Variants in ZNF503 observed in about 807,000 individuals in gnomAD.
ZNF503 encodes zinc finger protein 503.
In ZNF503, 15 loss-of-function variants were observed where a neutral mutation model predicts 34.4. The ratio of observed to expected loss-of-function variants is 0.44; its 90% CI spans 0.29 to 0.67. ZNF503 has a LOEUF of 0.67. ZNF503 is among the 30% of genes least tolerant of loss of function. The pLI is 0.13. For synonymous variants in ZNF503, 580 were observed against 456.8 expected, an observed-to-expected ratio of 1.27 and a Z score of -3.44; for missense variants, 1,007 against 926.8, an observed-to-expected ratio of 1.09 and a Z score of -1.12.
chr10:75,298,778 A>G, the ZNF503 span, among the ~76,000 whole-genome samples: 2 of 152,152 alleles, frequency 1.3e-5, no homozygotes, highest in Non-Finnish European at 2.9e-5. Context: ...ATATAAATTA[A>G]AAAATGTTTT....
the ZNF503 span, among the ~76,000 whole-genome samples, chr10:75,375,334 G>A: frequency 1.3e-5 from 2 of 151,876 alleles, no homozygotes; most frequent in Non-Finnish European, 2.9e-5. Flanking sequence ...TGTTAGCCAG[G>A]ATGGTCTTGA....
the ZNF503 span, among the ~76,000 whole-genome samples, chr10:75,384,188 C>T: frequency 6.6e-6 from 1 of 151,998 alleles, no homozygotes; most frequent in African/African-American, 2.4e-5. Flanking sequence ...TGTCTGAGAA[C>T]ACTGAGGGCC....
the ZNF503 span, among the ~76,000 whole-genome samples, chr10:75,337,305 GGCAACAAA>G: frequency 6.6e-6 from 1 of 151,274 alleles, no homozygotes; most frequent in South Asian, 2.1e-4. Context: ...CTCCAGCATG[GGCAACAAA>G]GTGAAAACCT....
chr10:75,333,883 T>C, the ZNF503 span, among the ~76,000 whole-genome samples: 1 of 35,474 alleles, frequency 2.8e-5, no homozygotes, highest in Non-Finnish European at 5.1e-5. Context: ...GCAGAGGCGC[T>C]CCTCACATCC....
the ZNF503 span, among the ~76,000 whole-genome samples, chr10:75,322,911 AC>A: frequency 6.6e-6 from 1 of 152,150 alleles, no homozygotes; most frequent in Non-Finnish European, 1.5e-5. Flanking sequence ...AGTTTTCCCC[AC>A]ATCCTGGTCG....
At chr10:75,309,025 G>A in the ZNF503 span, among the ~76,000 whole-genome samples, 1 of 152,110 alleles carries the variant, frequency 6.6e-6, no homozygotes, top group South Asian at 2.1e-4. Context: ...TGCATTTTTG[G>A]TAGAGATGCT....
the ZNF503 span, among the ~76,000 whole-genome samples, chr10:75,340,880 C>T: frequency 6.6e-6 from 1 of 152,214 alleles, no homozygotes; most frequent in Non-Finnish European, 1.5e-5. Context: ...GGATTACAGG[C>T]ATGAGCCTCC....
the ZNF503 span, among the ~76,000 whole-genome samples, chr10:75,356,248 A>C: frequency 2.0e-5 from 3 of 152,136 alleles, no homozygotes; most frequent in African/African-American, 7.2e-5. Context: ...ATGGAGTCTC[A>C]CTCTGTCGCC....
At chr10:75,364,690 CAAATT>C in the ZNF503 span, among the ~76,000 whole-genome samples, 1 of 151,890 alleles carries the variant, frequency 6.6e-6, no homozygotes, top group Non-Finnish European at 1.5e-5. Context: ...TAAGTCTCAT[CAAATT>C]AAAGACTAAT....
chr10:75,349,151 TAA>T, the ZNF503 span, among the ~76,000 whole-genome samples: 3 of 152,260 alleles, frequency 2.0e-5, no homozygotes, highest in South Asian at 6.2e-4. Context: ...CAATGTAACA[TAA>T]GTTTATATTC....
chr10:75,370,151 C>G, the ZNF503 span, among the ~76,000 whole-genome samples: 1 of 152,030 alleles, frequency 6.6e-6, no homozygotes, highest in African/African-American at 2.4e-5. Context: ...CTTCCACCTT[C>G]TAAGTTAATT....
chr10:75,375,178 T>TGGTGC, the ZNF503 span, among the ~76,000 whole-genome samples: 1 of 152,188 alleles, frequency 6.6e-6, no homozygotes, highest in Non-Finnish European at 1.5e-5. Context: ...TGGAGTGCAG[T>TGGTGC]GGTGCAATCT....
the ZNF503 span, among the ~76,000 whole-genome samples, chr10:75,348,639 G>A: frequency 6.8e-6 from 1 of 146,820 alleles, no homozygotes; most frequent in Admixed American, 7.0e-5. Context: ...AGCCTCCCCA[G>A]CAGCTGGGAC....
the ZNF503 span, among the ~76,000 whole-genome samples, chr10:75,303,888 C>CCTG: frequency 6.9e-6 from 1 of 143,970 alleles, no homozygotes; most frequent in Non-Finnish European, 1.5e-5. Context: ...GGCTGGAGTG[C>CCTG]AGTGGTACAA....
chr10:75,286,242 G>A, the ZNF503 span, among the ~76,000 whole-genome samples: 16 of 148,608 alleles, frequency 1.1e-4, no homozygotes, highest in Non-Finnish European at 1.8e-4. Context: ...GAGATTGTGC[G>A]CCACTGCACT....
the ZNF503 span, among the ~76,000 whole-genome samples, chr10:75,323,289 T>C: frequency 6.6e-6 from 1 of 152,252 alleles, no homozygotes; most frequent in Non-Finnish European, 1.5e-5. Flanking sequence ...TCTGGGTTAC[T>C]CCCAGTTTTT....
the ZNF503 span, among the ~76,000 whole-genome samples, chr10:75,295,220 C>T: frequency 6.6e-6 from 1 of 151,462 alleles, no homozygotes; most frequent in Non-Finnish European, 1.5e-5. The surrounding 1 kb of genome is among the most constrained non-coding windows in gnomAD (Gnocchi z 4.0). Flanking sequence ...CTGGGCGACC[C>T]CCGGGAGGGG....
At chr10:75,330,344 T>C in the ZNF503 span, among the ~76,000 whole-genome samples, 2 of 152,192 alleles carry the variant, frequency 1.3e-5, no homozygotes, top group African/African-American at 4.8e-5. Context: ...GGTTTTGGTG[T>C]CAGGGTAATC....
At chr10:75,352,916 C>T in the ZNF503 span, among the ~76,000 whole-genome samples, 28 of 152,214 alleles carry the variant, frequency 1.8e-4, no homozygotes, top group Non-Finnish European at 2.8e-4. Flanking sequence ...CCCCCAGCCA[C>T]GCCTGTCTGC....
Sources: allele counts gnomAD v4.1 joint callset (sites outside exome capture counted in the v4.1 genomes callset), GRCh38; gene constraint gnomAD v4.1.1; non-coding constraint Gnocchi (gnomAD v3.1); transcripts MANE v1.5; gene names NCBI Gene and HGNC (gene_info 2026-07-23, HGNC 2026-07-21).